The following FLVCR2 variants were observed in gnomAD, a reference collection of about 807,000 sequenced individuals.
FLVCR2 encodes choline/ethanolamine transporter FLVCR2.
FLVCR2 carries 38 observed loss-of-function variants against 48.9 expected under a neutral mutation model. The observed-to-expected ratio is 0.78, with a 90% confidence interval of 0.60 to 1.02. The LOEUF is 1.02. FLVCR2 is among the 50% of genes least tolerant of loss of function. The pLI is 0.00. For synonymous variants in FLVCR2, 255 were observed against 257.0 expected, an observed-to-expected ratio of 0.99 and a Z score of 0.07; for missense variants, 664 against 663.3, an observed-to-expected ratio of 1.00 and a Z score of -0.01.
intron 1 of FLVCR2, among the ~76,000 whole-genome samples, chr14:75,588,254 C>G (rs1036642279): frequency 6.6e-6 from 1 of 152,226 alleles, no homozygotes; most frequent in African/African-American, 2.4e-5. Context: ...CGACCAGCAT[C>G]TGGTGATGGC....
chr14:75,624,478 A>C, intron 2 of FLVCR2, 134 bp from the exon 3 acceptor site: 1 of 1,024,766 alleles, frequency 9.8e-7, no homozygotes, highest in East Asian at 2.4e-5. Flanking sequence ...TTAAGGGTTT[A>C]ATTAAAGAAT....
At chr14:75,582,410 G>T (rs1157469429) in intron 1 of FLVCR2, among the ~76,000 whole-genome samples, 9 of 152,166 alleles carry the variant, frequency 5.9e-5, no homozygotes, top group Non-Finnish European at 2.9e-5. Flanking sequence ...GTAGTGGAGG[G>T]GGGCAGAAAG....
At chr14:75,640,400 AGTGTTT>A (rs1290054895) in intron 6 of FLVCR2, among the ~76,000 whole-genome samples, 3 of 122,120 alleles carry the variant, frequency 2.5e-5, no homozygotes, top group South Asian at 2.6e-4. Flanking sequence ...GCAGTATATG[AGTGTTT>A]GTGTGTGTGT....
intron 1 of FLVCR2, among the ~76,000 whole-genome samples, chr14:75,607,550 C>G (rs1201908125): frequency 6.6e-6 from 1 of 152,048 alleles, no homozygotes; most frequent in Non-Finnish European, 1.5e-5. Context: ...TCAGAAGTCT[C>G]GATGTTGATG....
intron 1 of FLVCR2, among the ~76,000 whole-genome samples, chr14:75,601,582 T>A (rs1889167668): frequency 6.6e-6 from 1 of 151,940 alleles, no homozygotes; most frequent in African/African-American, 2.4e-5. Context: ...GCATTGCTGG[T>A]GGGAATGTAA....
chr14:75,644,311 G>A (rs1302383959), intron 9 of FLVCR2, among the ~76,000 whole-genome samples: 2 of 152,090 alleles, frequency 1.3e-5, no homozygotes, highest in African/African-American at 2.4e-5. Context: ...TTTCTACCCT[G>A]CTTACTTAGT....
chr14:75,638,429 C>T (rs532023807), intron 5 of FLVCR2, among the ~76,000 whole-genome samples: 8 of 152,010 alleles, frequency 5.3e-5, no homozygotes, highest in African/African-American at 1.9e-4. Flanking sequence ...AAGAGCGAAA[C>T]TCCATCTCAA....
chr14:75,624,797 T>A (rs749013472), intron 3 of FLVCR2, 45 bp downstream of exon 3: 5 of 1,605,386 alleles, frequency 3.1e-6, no homozygotes, highest in Non-Finnish European at 3.4e-6. Flanking sequence ...CTGGAAATGT[T>A]AGATGAGAGG....
chr14:75,632,421 G>A (rs1205914473), intron 3 of FLVCR2, among the ~76,000 whole-genome samples: 1 of 152,162 alleles, frequency 6.6e-6, no homozygotes, highest in Non-Finnish European at 1.5e-5. Flanking sequence ...GCTTCTTGGA[G>A]TACAATGACT....
chr14:75,622,965 TTTTA>T (rs143746295), intron 2 of FLVCR2, among the ~76,000 whole-genome samples: 3 of 151,834 alleles, frequency 2.0e-5, no homozygotes, highest in South Asian at 2.1e-4. Context: ...ACTGTTAATG[TTTTA>T]TTTATTTATT....
chr14:75,599,328 C>G (rs1468554648), intron 1 of FLVCR2, among the ~76,000 whole-genome samples: 1 of 149,528 alleles, frequency 6.7e-6, no homozygotes, highest in Admixed American at 6.7e-5. Flanking sequence ...TGTACAACAC[C>G]CCCCCCCAAA....
In FLVCR2 at chr14:75,647,702, A is replaced by G. The variant is rs1481457041; in HGVS notation, c.*1230A>G. On this transcript the variant is annotated 3_prime_UTR_variant, in exon 10 of 10. Transcript: ENST00000238667. ...GGCTGTACTCATGGGCTTTGGTAAT[A>G]TCTCCTAAAAATGAGGTTTTGGTAA... is the stretch of plus-strand genomic sequence containing the variant. The G allele has an allele frequency of 6.6e-6, 1 of 152,658 alleles. No individual in the cohort carries two copies. Among genetic ancestry groups the G allele is most frequent in the Admixed American group, 6.5e-5 (1 of 15,278 alleles). The allele number at this position is 152,658 out of a possible 1,614,324, so 9.5% of individuals were successfully genotyped here. A position where few individuals can be genotyped will look rare whatever the true frequency, so the allele number is the denominator to read the frequency against.
intron 3 of FLVCR2, among the ~76,000 whole-genome samples, chr14:75,625,967 C>G (rs1889891190): frequency 6.6e-6 from 1 of 151,916 alleles, no homozygotes; most frequent in Admixed American, 6.5e-5. Context: ...ACAAGTTTGT[C>G]TAACTCCAAA....
chr14:75,639,498 C>A, intron 6 of FLVCR2, 36 bp downstream of exon 6: 2 of 1,401,980 alleles, frequency 1.4e-6, no homozygotes, highest in Non-Finnish European at 2.0e-6. Context: ...TTAGAAAATA[C>A]CATGCCATGG....
At chr14:75,602,791 G>A (rs1369335812) in intron 1 of FLVCR2, among the ~76,000 whole-genome samples, 1 of 152,140 alleles carries the variant, frequency 6.6e-6, no homozygotes, top group Non-Finnish European at 1.5e-5. Context: ...ACTTAACGCT[G>A]CTGAACTATA....
intron 9 of FLVCR2, among the ~76,000 whole-genome samples, chr14:75,645,506 C>T (rs2076234779): frequency 6.6e-6 from 1 of 152,202 alleles, no homozygotes; most frequent in Non-Finnish European, 1.5e-5. Flanking sequence ...AAAAGTGTGA[C>T]TTAGAAGACT....
chr14:75,621,014 C>A (rs138479754), intron 1 of FLVCR2, among the ~76,000 whole-genome samples: 1 of 152,180 alleles, frequency 6.6e-6, no homozygotes, highest in African/African-American at 2.4e-5. Context: ...CCCATTTCCG[C>A]CTCAATATTA....
chr14:75,607,303 C>T (rs1404897711), intron 1 of FLVCR2, among the ~76,000 whole-genome samples: 1 of 152,216 alleles, frequency 6.6e-6, no homozygotes, highest in Non-Finnish European at 1.5e-5. Context: ...CCCTCTCTAC[C>T]AAACTCATGT....
rs558196686 is a variant in FLVCR2, at chr14:75,627,523, C to T, written c.952+2771C>T. ...CTGTGACATCCAGCAGCCTCGCAGC[C>T]GTGGAGCTGTGAAAACCAACTGTCT... is the stretch of plus-strand genomic sequence containing the variant. On this transcript the variant is annotated intron_variant, in intron 3 of 9. Transcript: ENST00000238667. 2.1e-3 allele frequency among the ~76,000 whole-genome samples: 318 copies of T among 152,290 alleles called. 4 individuals carry two copies. Among genetic ancestry groups the T allele is most frequent in the Middle Eastern group, 0.01 (3 of 294 alleles).
Sources: gnomAD v4.1 joint callset for allele counts (sites outside exome capture counted in the v4.1 genomes callset) on GRCh38, gnomAD v4.1.1 for gene constraint, MANE v1.5 for transcripts, NCBI Gene and HGNC (gene_info 2026-07-23, HGNC 2026-07-21) for gene names.